The following HYDIN variants were observed in gnomAD, a reference collection of about 807,000 sequenced individuals.
The protein encoded by HYDIN is axonemal central pair apparatus protein HYDIN.
In HYDIN, 132 loss-of-function variants were observed where a neutral mutation model predicts 403.9. The observed-to-expected ratio is 0.33, with a 90% CI of 0.28 to 0.38. The LOEUF is 0.38. HYDIN is among the 10% of genes least tolerant of loss of function. The probability of loss-of-function intolerance (pLI) is 1.00; values close to 1 mark genes in which losing one functional copy is unlikely to be tolerated. For missense variants in HYDIN, 2,827 were observed against 5,009.5 expected (o/e 0.56, Z 13.15); for synonymous variants, 1,202 against 1,891.7 (o/e 0.64, Z 9.46).
Position 70,804,455 on chromosome 16 carries a change from G to A in HYDIN, c.*3125C>T, listed in dbSNP as rs1476665881. On this transcript the variant is annotated 3_prime_UTR_variant, in exon 86 of 86. Coordinates refer to ENST00000393567, the MANE Select transcript of HYDIN (RefSeq NM_001270974.2). ...TGGGGTTTTTAAGGGGATCCTGGAG[G>A]GTGAAGGGCTGAAAAACCAGGTGAC... 6.6e-6 allele frequency among the ~76,000 whole-genome samples: 1 copy of A among 152,194 alleles called. No individual in the cohort carries two copies. The highest frequency in any genetic ancestry group is 1.5e-5 in the Non-Finnish European group (1 of 68,038).
chr16:70,991,480 C>T (rs2079349107), intron 24 of HYDIN, 84 bp from the exon 25 acceptor site: 2 of 1,570,350 alleles, frequency 1.3e-6, no homozygotes, highest in Non-Finnish European at 1.7e-6. Context: ...CCCTGTCTTC[C>T]TCTTCTCCCT....
intron 60 of HYDIN, among the ~76,000 whole-genome samples, 156 bp from the exon 61 acceptor site, chr16:70,879,912 G>T (rs2040679324): frequency 1.5e-5 from 1 of 66,368 alleles, no homozygotes; most frequent in Admixed American, 1.7e-4. Context: ...AACAGCCTGG[G>T]ACCCACCCCT....
chr16:71,175,256 C>T (rs1478830955), intron 5 of HYDIN, among the ~76,000 whole-genome samples: 1 of 151,956 alleles, frequency 6.6e-6, no homozygotes, highest in Non-Finnish European at 1.5e-5. Flanking sequence ...ATACCATCTA[C>T]ACACACCAGC....
At chr16:70,991,148 C>T in intron 25 of HYDIN, 170 bp downstream of exon 25, 3 of 932,848 alleles carry the variant, frequency 3.2e-6, no homozygotes, top group Non-Finnish European at 4.7e-6. Flanking sequence ...TAGGCTCTCA[C>T]TGAGTGTTGG....
intron 19 of HYDIN, among the ~76,000 whole-genome samples, chr16:71,030,495 C>T (rs1254144846): frequency 2.0e-5 from 3 of 150,474 alleles, no homozygotes; most frequent in African/African-American, 4.9e-5. Flanking sequence ...TGCAGTGGTA[C>T]GACCTTGGCT....
chr16:71,169,461 T>C (rs554728221), intron 5 of HYDIN, among the ~76,000 whole-genome samples: 5 of 152,178 alleles, frequency 3.3e-5, no homozygotes, highest in Admixed American at 6.5e-5. Flanking sequence ...ATGTGGCATA[T>C]ATATACAATG....
intron 41 of HYDIN, among the ~76,000 whole-genome samples, chr16:70,951,305 A>AGAGAGAG (rs1567892563): frequency 1.3e-5 from 2 of 151,762 alleles, no homozygotes; most frequent in African/African-American, 4.9e-5. Flanking sequence ...AGAGAGAGAG[A>AGAGAGAG]AACTTCACAA....
intron 22 of HYDIN, among the ~76,000 whole-genome samples, chr16:71,019,850 T>C (rs1321968814): frequency 1.3e-5 from 2 of 152,280 alleles, no homozygotes; most frequent in Non-Finnish European, 2.9e-5. Context: ...TATTTGAATT[T>C]TTTCTCAAAA....
intron 79 of HYDIN, 96 bp from the exon 80 acceptor site, chr16:70,833,163 T>A: frequency 9.0e-7 from 1 of 1,105,090 alleles, no homozygotes; most frequent in South Asian, 1.6e-5. Context: ...AGGCTGAGGT[T>A]CACCTCCCTT....
intron 75 of HYDIN, among the ~76,000 whole-genome samples, chr16:70,842,213 T>C (rs533073299): frequency 1.3e-5 from 2 of 151,986 alleles, no homozygotes; most frequent in African/African-American, 4.8e-5. Context: ...AGAGCTTTCA[T>C]AGTGCTATTC....
chr16:71,224,325 A>C (rs2040932881), intron 1 of HYDIN, among the ~76,000 whole-genome samples: 1 of 152,194 alleles, frequency 6.6e-6, no homozygotes, highest in Non-Finnish European at 1.5e-5. Flanking sequence ...AAAAGACTAC[A>C]TATTGGGCAT....
chr16:71,021,193 C>T (rs2080477838), intron 21 of HYDIN, among the ~76,000 whole-genome samples: 2 of 151,100 alleles, frequency 1.3e-5, no homozygotes, highest in South Asian at 4.2e-4. Context: ...TCTTTTTACT[C>T]TGTTAGATAC....
chr16:71,176,961 G>A (rs937967300), intron 4 of HYDIN, among the ~76,000 whole-genome samples: 2 of 152,196 alleles, frequency 1.3e-5, no homozygotes, highest in East Asian at 3.9e-4. Context: ...TTATGAAACT[G>A]TGAACTAAAG....
chr16:70,853,193 A>C (rs868496201), intron 73 of HYDIN, among the ~76,000 whole-genome samples: 1 of 152,238 alleles, frequency 6.6e-6, no homozygotes, highest in South Asian at 2.1e-4. Flanking sequence ...AATAGTAATA[A>C]AAAAATTGTG....
At position 71,088,496 on chromosome 16, in the gene HYDIN, T is replaced by C; in HGVS notation, c.1475A>G (p.Asp492Gly). 1 of 693,412 alleles carries C rather than the reference T, an allele frequency of 1.4e-6. No individual in the cohort carries two copies. The highest frequency in any genetic ancestry group is 1.9e-5 in the South Asian group (1 of 53,390). The allele number at this position is 693,412 out of a possible 1,614,324, so 43.0% of individuals were successfully genotyped here. A position where few individuals can be genotyped will look rare whatever the true frequency, so the allele number is the denominator to read the frequency against. The change falls in exon 12 of 86, where the codon GAT (aspartate) becomes GGT (glycine). Residue 492 changes from aspartate (D) to glycine (G), a missense_variant. Transcript: ENST00000393567. ...TGGAGGGGTCATGTTGAAGAGAGCA[T>C]CGATGCTGCCTTTGTTGTACAGTAT... ...EAILYNKGSI[D>G]ALFNMTPPTS...
intron 1 of HYDIN, among the ~76,000 whole-genome samples, chr16:71,224,840 C>T (rs1189296600): frequency 1.3e-5 from 2 of 152,100 alleles, no homozygotes; most frequent in Admixed American, 6.5e-5. Flanking sequence ...GGATTACAGG[C>T]GTGAGCCACC....
At chr16:71,145,705 C>A (rs1388027210) in intron 7 of HYDIN, among the ~76,000 whole-genome samples, 1 of 152,088 alleles carries the variant, frequency 6.6e-6, no homozygotes, top group Non-Finnish European at 1.5e-5. Context: ...TCAAAGGCAG[C>A]ACATCAAGAG....
chr16:71,036,308 T>C (rs1174506092), intron 18 of HYDIN, among the ~76,000 whole-genome samples: 1 of 152,192 alleles, frequency 6.6e-6, no homozygotes, highest in Non-Finnish European at 1.5e-5. Flanking sequence ...TTGACCCTTC[T>C]TCCCAAATTG....
At chr16:70,983,885 T>C (rs1443757190) in intron 28 of HYDIN, among the ~76,000 whole-genome samples, 1 of 151,896 alleles carries the variant, frequency 6.6e-6, no homozygotes, top group Non-Finnish European at 1.5e-5. Context: ...ATAGTAAATA[T>C]TAACATGTAT....
Sources: gnomAD v4.1 joint callset for allele counts (sites outside exome capture counted in the v4.1 genomes callset) on GRCh38, gnomAD v4.1.1 for gene constraint, MANE v1.5 for transcripts, NCBI Gene and HGNC (gene_info 2026-07-23, HGNC 2026-07-21) for gene names.